CLEC9A: variants seen among roughly 807,000 people sequenced by gnomAD.
CLEC9A encodes C-type lectin domain containing 9A.
In CLEC9A, 24 loss-of-function variants were observed where a neutral mutation model predicts 30.0. The ratio of observed to expected loss-of-function variants is 0.80; its 90% CI spans 0.58 to 1.13. The LOEUF (loss-of-function observed/expected upper bound fraction) is 1.13. CLEC9A is among the 50% of genes most tolerant of loss of function. The pLI is 0.00. For synonymous variants in CLEC9A, 111 were observed against 96.8 expected (o/e 1.15, Z -0.86); for missense variants, 251 against 280.9 (o/e 0.89, Z 0.76).
chr12:10,050,239 C>T (rs1028585975), intron 2 of CLEC9A, among the ~76,000 whole-genome samples: 9 of 152,128 alleles, frequency 5.9e-5, no homozygotes, highest in East Asian at 5.8e-4. Context: ...CAAAGATCAC[C>T]GTAACAGGTA....
chr12:10,040,292 T>G (rs1225807208), intron 1 of CLEC9A, among the ~76,000 whole-genome samples: 1 of 152,224 alleles, frequency 6.6e-6, no homozygotes, highest in Non-Finnish European at 1.5e-5. Flanking sequence ...GTTATTGATC[T>G]AGGGATCTTT....
intron 1 of CLEC9A, among the ~76,000 whole-genome samples, chr12:10,040,180 T>G (rs545399428): frequency 1.1e-4 from 16 of 152,298 alleles, no homozygotes; most frequent in African/African-American, 3.6e-4. Flanking sequence ...AATAAATGAA[T>G]AGTTTGGCAT....
At chr12:10,063,316 A>G in intron 7 of CLEC9A, 110 bp downstream of exon 7, 1 of 1,013,810 alleles carries the variant, frequency 9.9e-7, no homozygotes. Flanking sequence ...TAACAGCAGT[A>G]TAATTGTAAA....
intron 6 of CLEC9A, among the ~76,000 whole-genome samples, chr12:10,061,791 G>A (rs1370890640): frequency 6.6e-6 from 1 of 152,104 alleles, no homozygotes; most frequent in East Asian, 1.9e-4. Flanking sequence ...TGCTTTACAA[G>A]CATTTTAAAC....
At chr12:10,052,825 T>G (rs973953132) in intron 4 of CLEC9A, 47 bp downstream of exon 4, 2 of 1,593,214 alleles carry the variant, frequency 1.3e-6, no homozygotes, top group Non-Finnish European at 1.7e-6. Flanking sequence ...GTTCATGTTT[T>G]TTTTTTTTTT....
intron 3 of CLEC9A, 101 bp downstream of exon 3, chr12:10,052,195 T>A (rs1278638174): frequency 6.4e-6 from 1 of 155,124 alleles, no homozygotes; most frequent in East Asian, 1.9e-4. Flanking sequence ...GTAAATTTAT[T>A]TTAAGGTTGA....
intron 2 of CLEC9A, among the ~76,000 whole-genome samples, chr12:10,050,298 A>C (rs1865881680): frequency 6.6e-6 from 1 of 152,258 alleles, no homozygotes; most frequent in African/African-American, 2.4e-5. Flanking sequence ...AATATGTGAC[A>C]CAGAGGCATA....
chr12:10,053,244 C>T (rs1865911284), intron 4 of CLEC9A, among the ~76,000 whole-genome samples: 1 of 152,156 alleles, frequency 6.6e-6, no homozygotes, highest in African/African-American at 2.4e-5. Flanking sequence ...TGTAACCAAT[C>T]ACACAGACTT....
At position 10,065,517 on chromosome 12, in the gene CLEC9A, C is replaced by T; in HGVS notation, c.611C>T (p.Ser204Phe). Reference protein sequence around the residue: ...PSPGLLPAERSQSANQVCGYV... With the variant: ...PSPGLLPAERFQSANQVCGYV... ...TTTTCCAGGTTGCCAGCAGAGAGAT[C>T]CCAGTCAGCTAACCAAGTCTGTGGA... is the stretch of plus-strand genomic sequence containing the variant. Residue 204 changes from serine (S) to phenylalanine (F), a missense_variant, in exon 9 of 9, where the codon TCC becomes TTC. Transcript: ENST00000355819. 6.2e-7 allele frequency: 1 copy of T among 1,613,754 alleles called. No homozygotes were observed. The highest frequency in any genetic ancestry group is 8.5e-7 in the Non-Finnish European group (1 of 1,179,804).
At chr12:10,039,084 C>T (rs1366966387) in intron 1 of CLEC9A, among the ~76,000 whole-genome samples, 1 of 152,240 alleles carries the variant, frequency 6.6e-6, no homozygotes, top group East Asian at 1.9e-4. Flanking sequence ...CTAACCCATA[C>T]TGCCTGCTCC....
chr12:10,035,922 CAAG>C (rs760300488), intron 1 of CLEC9A, among the ~76,000 whole-genome samples: 2 of 152,156 alleles, frequency 1.3e-5, no homozygotes, highest in Non-Finnish European at 2.9e-5. Flanking sequence ...CTGCTTTTTA[CAAG>C]AAGTATACTT....
chr12:10,063,868 G>C (rs1386449608), intron 7 of CLEC9A, among the ~76,000 whole-genome samples: 6 of 152,044 alleles, frequency 3.9e-5, no homozygotes, highest in African/African-American at 1.4e-4. Context: ...ATTAGGCTGG[G>C]ATGGTGGTGG....
intron 1 of CLEC9A, chr12:10,040,883 GA>G (rs1865789514): frequency 9.7e-6 from 2 of 206,148 alleles, no homozygotes; most frequent in Non-Finnish European, 2.0e-5. Context: ...AGTTGAGAAT[GA>G]AAATCTCTCA....
intron 1 of CLEC9A, among the ~76,000 whole-genome samples, chr12:10,040,019 C>T (rs754665857): frequency 3.9e-5 from 6 of 152,224 alleles, no homozygotes; most frequent in Non-Finnish European, 7.4e-5. Flanking sequence ...GACAAAGTTT[C>T]GCCACGTTGG....
chr12:10,043,217 A>G, intron 2 of CLEC9A: 4 of 400,084 alleles, frequency 1.0e-5, no homozygotes, highest in Non-Finnish European at 2.0e-5. Context: ...TACAATAGGA[A>G]TACATCAAAG....
chr12:10,057,998 T>G (rs996713740), intron 5 of CLEC9A, among the ~76,000 whole-genome samples: 1 of 151,944 alleles, frequency 6.6e-6, no homozygotes, highest in East Asian at 1.9e-4. Flanking sequence ...AAGTATTTTG[T>G]TTTTTTTCCC....
At chr12:10,055,136 T>C (rs994265182) in intron 5 of CLEC9A, among the ~76,000 whole-genome samples, 6 of 152,216 alleles carry the variant, frequency 3.9e-5, no homozygotes, top group Admixed American at 2.0e-4. Context: ...GTTTTAAGAA[T>C]TGCCAAGAGC....
At chr12:10,055,047 C>T (rs1413555987) in intron 5 of CLEC9A, among the ~76,000 whole-genome samples, 2 of 152,140 alleles carry the variant, frequency 1.3e-5, no homozygotes, top group Admixed American at 6.5e-5. Flanking sequence ...GGTTCAGATT[C>T]GCATTCACAA....
chr12:10,053,504 T>C (rs1865913882), intron 4 of CLEC9A, among the ~76,000 whole-genome samples: 1 of 152,192 alleles, frequency 6.6e-6, no homozygotes, highest in South Asian at 2.1e-4. Context: ...GCTCTGTCCC[T>C]CCAATATCCT....
Sources: allele counts gnomAD v4.1 joint callset (sites outside exome capture counted in the v4.1 genomes callset), GRCh38; gene constraint gnomAD v4.1.1; transcripts MANE v1.5; gene names NCBI Gene and HGNC (gene_info 2026-07-23, HGNC 2026-07-21).